The following GDI2 variants were observed in gnomAD, a reference collection of about 807,000 sequenced individuals.
GDI2 encodes GDP dissociation inhibitor 2.
In GDI2, 22 loss-of-function variants were observed where a neutral mutation model predicts 54.2. The observed-to-expected ratio is 0.41, with a 90% CI of 0.29 to 0.58. The LOEUF (loss-of-function observed/expected upper bound fraction) is 0.58, where lower values mean the gene tolerates loss of function less well. Among genes scored for constraint, GDI2 ranks in the 20% least tolerant of loss-of-function variants. GDI2 has a pLI of 0.35. For missense variants in GDI2, 422 were observed against 546.0 expected, an observed-to-expected ratio of 0.77 and a Z score of 2.26; for synonymous variants, 177 against 182.1, an observed-to-expected ratio of 0.97 and a Z score of 0.23.
chr10:5,811,675 A>G lies in GDI2; in HGVS notation c.45+1539T>C, dbSNP rs904788488. Among the ~76,000 whole-genome samples, 7 of 136,218 alleles carry G rather than the reference A, an allele frequency of 5.1e-5. No individual in the cohort carries two copies. In the South Asian group the frequency reaches 7.2e-4, roughly 14 times the overall value. 89.4% of individuals were successfully genotyped at this position (136,218 alleles called of 152,430 possible). A position where few individuals can be genotyped will look rare whatever the true frequency, so the allele number is the denominator to read the frequency against. On this transcript the variant is annotated intron_variant, in intron 1 of 10. Coordinates refer to ENST00000380191, the MANE Select transcript of GDI2 (RefSeq NM_001494.4). ...AGGCACTTAAAAAAAAAAAAAAAAA[A>G]GCACAAAACCTGCAGTGGGTAGGGC...
At position 5,786,543 on chromosome 10, in the gene GDI2, A is replaced by G. The variant is rs561966327; in HGVS notation, c.389-493T>C. On this transcript the variant is annotated intron_variant, in intron 4 of 10. Coordinates refer to ENST00000380191, the MANE Select transcript of GDI2 (RefSeq NM_001494.4). Reference sequence around the variant, plus strand: ...CACAACACCTTAAACTGACACGATTATAACAGGTTACTTATAAAGTCTTCA... The same window carrying G: ...CACAACACCTTAAACTGACACGATTGTAACAGGTTACTTATAAAGTCTTCA... 3.9e-5 allele frequency among the ~76,000 whole-genome samples: 6 copies of G among 152,314 alleles called. No individual in the cohort carries two copies. In the South Asian group the frequency reaches 1.0e-3, roughly 26 times the overall value.
At chr10:5,793,145 C>T (rs550959428) in intron 4 of GDI2, among the ~76,000 whole-genome samples, 41 of 152,170 alleles carry the variant, frequency 2.7e-4, no homozygotes, top group South Asian at 1.0e-3. Flanking sequence ...CAGTAATGTA[C>T]CACCACATCT....
chr10:5,810,911 T>C (rs1003212306), intron 1 of GDI2, among the ~76,000 whole-genome samples: 16 of 152,198 alleles, frequency 1.1e-4, no homozygotes, highest in African/African-American at 1.7e-4. Flanking sequence ...ATGGCAGCAC[T>C]AAGCAACACA....
Position 5,776,415 on chromosome 10 carries a change from G to C in GDI2, c.720-2474C>G, listed in dbSNP as rs1840621742. 1.3e-6 allele frequency: 1 copy of C among 785,328 alleles called. No individual in the cohort carries two copies. Among genetic ancestry groups the C allele is most frequent in the Non-Finnish European group, 2.3e-6 (1 of 437,934 alleles). 48.6% of individuals were successfully genotyped at this position (785,328 alleles called of 1,614,324 possible). A position where few individuals can be genotyped will look rare whatever the true frequency, so the allele number is the denominator to read the frequency against. On this transcript the variant is annotated intron_variant, in intron 6 of 10. Transcript: ENST00000380191. The surrounding 1 kb of genome is among the most constrained non-coding windows in gnomAD (Gnocchi z 5.3). ...AGAGAAATGCCTGCCTGAGATTCAA[G>C]GGATCTTTGACAGGGATCCAGACAC... is the stretch of plus-strand genomic sequence containing the variant.
At chr10:5,779,763 G>A (rs1470433601) in intron 6 of GDI2, among the ~76,000 whole-genome samples, 4 of 150,070 alleles carry the variant, frequency 2.7e-5, no homozygotes, top group East Asian at 2.0e-4. Context: ...GTATGATCAC[G>A]GCTCACTGCA....
At chr10:5,799,688 C>T (rs538315723) in intron 2 of GDI2, among the ~76,000 whole-genome samples, 33 of 152,212 alleles carry the variant, frequency 2.2e-4, no homozygotes, top group African/African-American at 7.9e-4. Flanking sequence ...GAAAATTATA[C>T]CAAATACAAA....
chr10:5,770,456 G>A (rs932423477), intron 7 of GDI2, among the ~76,000 whole-genome samples: 5 of 152,060 alleles, frequency 3.3e-5, no homozygotes, highest in Admixed American at 1.3e-4. Context: ...AGCTACCTGG[G>A]GAGGCTGAGG....
intron 4 of GDI2, among the ~76,000 whole-genome samples, chr10:5,794,292 G>A (rs1184083793): frequency 7.4e-6 from 1 of 134,820 alleles, no homozygotes; most frequent in African/African-American, 2.8e-5. Context: ...AGACCAATTA[G>A]AAGATGAGCA....
intron 6 of GDI2, among the ~76,000 whole-genome samples, chr10:5,781,410 G>T (rs941412382): frequency 1.8e-4 from 27 of 148,534 alleles, no homozygotes; most frequent in African/African-American, 6.7e-4. Context: ...GGCGGATCAT[G>T]AAGTCAGCAG....
At position 5,776,902 on chromosome 10, in the gene GDI2, C is replaced by A. The variant is rs1257734684; in HGVS notation, c.720-2961G>T. 18 of 815,564 alleles carry A rather than the reference C, an allele frequency of 2.2e-5. No homozygotes were observed. The highest frequency in any genetic ancestry group is 3.2e-5 in the Non-Finnish European group (17 of 529,218). The allele number at this position is 815,564 out of a possible 1,614,324, so 50.5% of individuals were successfully genotyped here. Reference sequence around the variant, plus strand: ...GAAGAGGGGAGAAGAGGAAATAATGCGAAAACAGTTAATCCAGCAAAAAAA... The same window carrying A: ...GAAGAGGGGAGAAGAGGAAATAATGAGAAAACAGTTAATCCAGCAAAAAAA... On this transcript the variant is annotated intron_variant, in intron 6 of 10. Coordinates refer to ENST00000380191, the MANE Select transcript of GDI2 (RefSeq NM_001494.4). This position sits in a 1 kb window ranked among gnomAD's most constrained non-coding sequence, Gnocchi z 5.3.
chr10:5,796,661 A>G, intron 3 of GDI2, 102 bp downstream of exon 3: 1 of 675,874 alleles, frequency 1.5e-6, no homozygotes, highest in South Asian at 1.8e-5. Context: ...ATTCAACAAA[A>G]TCCAGTTCCT....
Position 5,766,405 on chromosome 10 carries a change from C to A in GDI2, c.1136+89G>T. On this transcript the variant is annotated intron_variant, in intron 9 of 10. Coordinates refer to ENST00000380191, the MANE Select transcript of GDI2 (RefSeq NM_001494.4). The surrounding 1 kb of genome is among the most constrained non-coding windows in gnomAD (Gnocchi z 5.8). Reference sequence around the variant, plus strand: ...AATCCCACAGAGCAGCCAGCAGCTACCTGCCTTGCCCTCACATTCGTCCCA... The same window carrying A: ...AATCCCACAGAGCAGCCAGCAGCTAACTGCCTTGCCCTCACATTCGTCCCA... The A allele has an allele frequency of 6.6e-7, 1 of 1,520,626 alleles. No individual in the cohort carries two copies. The highest frequency in any genetic ancestry group is 1.7e-5 in the Admixed American group (1 of 59,870). The allele number at this position is 1,520,626 out of a possible 1,614,324, so 94.2% of individuals were successfully genotyped here.
At chr10:5,786,992 T>C (rs1042138260) in intron 4 of GDI2, among the ~76,000 whole-genome samples, 8 of 152,212 alleles carry the variant, frequency 5.3e-5, no homozygotes, top group Non-Finnish European at 8.8e-5. Flanking sequence ...TAGGCTGTAT[T>C]TCAACTAATC....
At chr10:5,787,909 T>C (rs1040410217) in intron 4 of GDI2, among the ~76,000 whole-genome samples, 1 of 152,204 alleles carries the variant, frequency 6.6e-6, no homozygotes, top group African/African-American at 2.4e-5. Context: ...TTTCCTTCTC[T>C]TTCCTCTCCT....
intron 1 of GDI2, among the ~76,000 whole-genome samples, chr10:5,812,501 A>C (rs1005708812): frequency 1.3e-5 from 2 of 152,204 alleles, no homozygotes; most frequent in Non-Finnish European, 2.9e-5. Flanking sequence ...AAACAAAAGG[A>C]AAAGGCGGCG....
At chr10:5,786,799 A>T (rs1840891040) in intron 4 of GDI2, among the ~76,000 whole-genome samples, 1 of 152,222 alleles carries the variant, frequency 6.6e-6, no homozygotes. Context: ...CGGGCACTTA[A>T]TGATAACAGC....
intron 5 of GDI2, 149 bp from the exon 6 acceptor site, chr10:5,785,422 T>G (rs1313040405): frequency 3.3e-6 from 2 of 603,276 alleles, no homozygotes; most frequent in Non-Finnish European, 5.8e-6. Flanking sequence ...TCGCCCAGAC[T>G]GGAGTGCAGT....
intron 7 of GDI2, among the ~76,000 whole-genome samples, chr10:5,772,901 G>A (rs1840524137): frequency 6.6e-6 from 1 of 152,022 alleles, no homozygotes; most frequent in African/African-American, 2.4e-5. Flanking sequence ...TTCTACCTCA[G>A]CCATTCATTA....
In GDI2 at chr10:5,785,175, T is replaced by A. The variant is rs755326206; in HGVS notation, c.686A>T (p.Tyr229Phe). The change falls in exon 6 of 11, where the codon TAT (tyrosine) becomes TTT (phenylalanine). Residue 229 changes from tyrosine to phenylalanine, a missense_variant. By Grantham distance (22) the Tyr-to-Phe change is conservative. Transcript: ENST00000380191. Reference protein sequence around the residue: ...YGKSPYLYPLYGLGELPQGFA... With the variant: ...YGKSPYLYPLFGLGELPQGFA... ...TCCTTGGGGCAGTTCTCCAAGGCCA[T>A]AGAGTGGATAAAGGTATGGGCTTTT... 14 of 1,611,938 alleles carry A rather than the reference T, an allele frequency of 8.7e-6. No individual in the cohort carries two copies. The highest frequency in any genetic ancestry group is 1.1e-5 in the Non-Finnish European group (13 of 1,178,908).
Sources: gnomAD v4.1 joint callset for allele counts (sites outside exome capture counted in the v4.1 genomes callset) on GRCh38, gnomAD v4.1.1 for gene constraint, Gnocchi (gnomAD v3.1) non-coding constraint, MANE v1.5 for transcripts, NCBI Gene and HGNC (gene_info 2026-07-23, HGNC 2026-07-21) for gene names.